LARGE1: variants seen among roughly 807,000 people sequenced by gnomAD.
LARGE1 encodes the protein LARGE xylosyl- and glucuronyltransferase 1.
In LARGE1, 43 loss-of-function variants were observed where a neutral mutation model predicts 87.6. That is an observed-to-expected ratio of 0.49 (90% CI 0.38 to 0.63). LARGE1 has a LOEUF of 0.63. Ranked by LOEUF, LARGE1 falls within the 30% of genes least tolerant of loss-of-function variation. The pLI, the probability that LARGE1 is intolerant of heterozygous loss-of-function variation, is 0.00. For missense variants in LARGE1, 802 were observed against 1,000.2 expected (o/e 0.80, Z 2.67); for synonymous variants, 434 against 394.6 (o/e 1.10, Z -1.18).
chr22:33,678,404 C>A (rs1293150834), intron 2 of LARGE1, among the ~76,000 whole-genome samples: 5 of 152,144 alleles, frequency 3.3e-5, no homozygotes, highest in African/African-American at 1.2e-4. Flanking sequence ...TAAAGTAACA[C>A]AGACAACCTA....
chr22:33,151,950 AAC>A, the LARGE1 span, among the ~76,000 whole-genome samples: 401 of 129,402 alleles, frequency 3.1e-3, 2 homozygotes, highest in South Asian at 0.026. Flanking sequence ...AAAAAAAAAA[AAC>A]AAGTTGTGAA....
At chr22:33,531,748 A>G (rs2072213392) in intron 6 of LARGE1, among the ~76,000 whole-genome samples, 1 of 152,250 alleles carries the variant, frequency 6.6e-6, no homozygotes, top group Non-Finnish European at 1.5e-5. Context: ...GACTTCAATT[A>G]CCTGAAGGAC....
chr22:33,444,692 C>T (rs919083295), intron 6 of LARGE1, among the ~76,000 whole-genome samples: 1 of 152,122 alleles, frequency 6.6e-6, no homozygotes, highest in Non-Finnish European at 1.5e-5. Context: ...TAATGAAAGG[C>T]GTATTTCAAA....
intron 1 of LARGE1, among the ~76,000 whole-genome samples, chr22:33,841,230 AT>A (rs113197092): frequency 0.014 from 2,065 of 151,302 alleles, 46 homozygotes; most frequent in African/African-American, 0.048. Context: ...TGTTACTCTC[AT>A]TTTTTTTTCC....
At chr22:33,533,220 C>T (rs1224550707) in intron 6 of LARGE1, among the ~76,000 whole-genome samples, 7 of 152,048 alleles carry the variant, frequency 4.6e-5, no homozygotes, top group Admixed American at 1.3e-4. Context: ...AAGTGTTGTT[C>T]GGCTTTTTTA....
At chr22:33,288,162 G>A (rs1300419413) in intron 12 of LARGE1, among the ~76,000 whole-genome samples, 1 of 152,208 alleles carries the variant, frequency 6.6e-6, no homozygotes, top group Non-Finnish European at 1.5e-5. Context: ...CTGTGCAAGT[G>A]TTTCATAGAC....
chr22:33,312,736 T>A lies in LARGE1; in HGVS notation c.1451+3349A>T, dbSNP rs563124701. Among the ~76,000 whole-genome samples the A allele has an allele frequency of 6.6e-5, 10 of 152,278 alleles. No homozygotes were observed. The South Asian group carries it at 1.2e-3, about 19-fold the overall frequency. On this transcript the variant is annotated intron_variant, in intron 11 of 14. Transcript: ENST00000397394. ...GTGAAACCCTCTCACTTGCATGGAT[T>A]ATAGTACCTGAGTTTCAGTTAGCTC... is the stretch of plus-strand genomic sequence containing the variant.
intron 1 of LARGE1, among the ~76,000 whole-genome samples, chr22:33,819,504 T>A (rs892588877): frequency 3.3e-5 from 5 of 151,852 alleles, no homozygotes; most frequent in African/African-American, 1.2e-4. Flanking sequence ...TTTCACCAAA[T>A]CCTTAATTTC....
intron 6 of LARGE1, among the ~76,000 whole-genome samples, chr22:33,445,397 G>A (rs1317608732): frequency 1.3e-5 from 2 of 152,170 alleles, no homozygotes; most frequent in African/African-American, 2.4e-5. Context: ...GCTGAAAGGT[G>A]GGAAGTTAGC....
Position 33,391,862 on chromosome 22 carries a change from C to T in LARGE1, c.893-7558G>A, listed in dbSNP as rs185604381. On this transcript the variant is annotated intron_variant, in intron 7 of 14. Coordinates refer to ENST00000397394, the MANE Select transcript of LARGE1 (RefSeq NM_133642.5). ...TCGGCTCACTGCAACCTCTGCCTCC[C>T]GGGTTCTAGCGATTCTCCTGCCTCA... 5.2e-3 allele frequency among the ~76,000 whole-genome samples: 779 copies of T among 149,968 alleles called. 9 individuals are homozygous for T. The highest frequency in any genetic ancestry group is 0.018 in the African/African-American group (728 of 40,648).
chr22:33,615,495 TA>T (rs5845099), intron 4 of LARGE1, among the ~76,000 whole-genome samples: 1 of 151,750 alleles, frequency 6.6e-6, no homozygotes, highest in African/African-American at 2.4e-5. Flanking sequence ...AAATAATTTT[TA>T]AAAAACCCTT....
intron 2 of LARGE1, 90 bp from the exon 3 acceptor site, chr22:33,650,758 G>A (rs2080776256): frequency 6.3e-6 from 9 of 1,426,280 alleles, no homozygotes; most frequent in East Asian, 2.4e-5. Flanking sequence ...ACTACATGGC[G>A]AGGCTCCTTG....
intron 6 of LARGE1, among the ~76,000 whole-genome samples, chr22:33,536,400 C>T (rs1310063310): frequency 2.0e-5 from 3 of 152,208 alleles, no homozygotes; most frequent in Non-Finnish European, 4.4e-5. Flanking sequence ...CCAAATACAA[C>T]AGAGCACGCA....
chr22:33,604,804 C>A (rs1168876234), intron 4 of LARGE1, among the ~76,000 whole-genome samples: 2 of 151,782 alleles, frequency 1.3e-5, no homozygotes, highest in Non-Finnish European at 3.0e-5. Context: ...TCACTACTGA[C>A]ACCCAATTCA....
At chr22:33,145,386 G>A in the LARGE1 span, among the ~76,000 whole-genome samples, 14 of 152,260 alleles carry the variant, frequency 9.2e-5, no homozygotes, top group East Asian at 2.7e-3. Flanking sequence ...GGCCACTGGA[G>A]TGTGTTCTTC....
chr22:33,790,429 C>T (rs2085786758), intron 1 of LARGE1, among the ~76,000 whole-genome samples: 1 of 152,146 alleles, frequency 6.6e-6, no homozygotes, highest in Non-Finnish European at 1.5e-5. Flanking sequence ...GGGAAACTGG[C>T]CTACACTGAA....
the LARGE1 span, among the ~76,000 whole-genome samples, chr22:33,095,065 G>A: frequency 6.6e-6 from 1 of 152,154 alleles, no homozygotes; most frequent in Non-Finnish European, 1.5e-5. Context: ...ACTTTGCATT[G>A]TATTATTCCT....
At chr22:33,502,238 CA>C (rs1271645782) in intron 6 of LARGE1, among the ~76,000 whole-genome samples, 5 of 150,166 alleles carry the variant, frequency 3.3e-5, no homozygotes, top group African/African-American at 1.2e-4. Context: ...GGACAGGTGA[CA>C]CACTCCCCAG....
chr22:33,261,328 A>C (rs1927613580), intron 11 of LARGE1, among the ~76,000 whole-genome samples: 1 of 152,102 alleles, frequency 6.6e-6, no homozygotes, highest in African/African-American at 2.4e-5. Context: ...GCCATGTTTA[A>C]ACTTCCAGAG....
Sources: allele counts gnomAD v4.1 joint callset (sites outside exome capture counted in the v4.1 genomes callset), GRCh38; gene constraint gnomAD v4.1.1; transcripts MANE v1.5; gene names NCBI Gene and HGNC (gene_info 2026-07-23, HGNC 2026-07-21).